Variants in USP25 observed in about 807,000 individuals in gnomAD.
USP25 encodes the protein ubiquitin carboxyl-terminal hydrolase 25.
A neutral mutation model predicts 158.5 loss-of-function variants in USP25; 85 were observed. That is an observed-to-expected ratio of 0.54 (90% CI 0.45 to 0.64). The LOEUF is 0.64. Among genes scored for constraint, USP25 ranks in the 30% least tolerant of loss-of-function variants. The pLI, the probability that USP25 is intolerant of heterozygous loss-of-function variation, is 0.00. For missense variants in USP25, 1,242 were observed against 1,327.3 expected (o/e 0.94, Z 1.00); for synonymous variants, 464 against 460.4 (o/e 1.01, Z -0.10).
chr21:15,738,088 T>C (rs1485569723), intron 1 of USP25, among the ~76,000 whole-genome samples: 1 of 152,218 alleles, frequency 6.6e-6, no homozygotes, highest in Non-Finnish European at 1.5e-5. Context: ...GAAAAGTTAA[T>C]GCTCTCTTCT....
In USP25 at chr21:15,842,254, T is replaced by A. The variant is rs2038370833; in HGVS notation, c.2195-144T>A. 5.2e-6 allele frequency: 4 copies of A among 773,612 alleles called. No individual in the cohort carries two copies. In the Admixed American group the frequency reaches 1.2e-4, roughly 24 times the overall value. 47.9% of individuals were successfully genotyped at this position (773,612 alleles called of 1,614,324 possible). A position where few individuals can be genotyped will look rare whatever the true frequency, so the allele number is the denominator to read the frequency against. On this transcript the variant is annotated intron_variant, in intron 17 of 25. Transcript: ENST00000400183. ...TAATAAATTCTGGGAAGAAGTGCTA[T>A]ACGTGGAAAGATATATTTTACTTTG...
chr21:15,767,548 G>A (rs143581104), intron 3 of USP25, among the ~76,000 whole-genome samples: 1 of 152,024 alleles, frequency 6.6e-6, no homozygotes, highest in Non-Finnish European at 1.5e-5. Flanking sequence ...ACCAATGAAA[G>A]GGAATGAAGT....
intron 17 of USP25, among the ~76,000 whole-genome samples, chr21:15,840,183 A>C (rs576829227): frequency 6.6e-6 from 1 of 152,176 alleles, no homozygotes; most frequent in Admixed American, 6.5e-5. Context: ...ATCCTCTACA[A>C]ATCCTTCAAG....
Position 15,802,694 on chromosome 21 carries a change from T to C in USP25, c.643-2427T>C, listed in dbSNP as rs193249455. ...ATAAGAGACATCTTACCAGACATCT[T>C]ATTAGAAAAGAAGAATGGTTTTCAA... On this transcript the variant is annotated intron_variant, in intron 6 of 25. Coordinates refer to ENST00000400183, the MANE Select transcript of USP25 (RefSeq NM_001283041.3). Among the ~76,000 whole-genome samples, 163 of 151,848 alleles carry C rather than the reference T, an allele frequency of 1.1e-3. 5 individuals carry two copies. Among genetic ancestry groups the C allele is most frequent in the Admixed American group, 0.011 (162 of 15,208 alleles).
intron 20 of USP25, among the ~76,000 whole-genome samples, chr21:15,855,732 G>A (rs1358271362): frequency 6.6e-6 from 1 of 152,182 alleles, no homozygotes; most frequent in East Asian, 1.9e-4. Context: ...GGTTATCACA[G>A]TGTGTGTTTA....
intron 12 of USP25, among the ~76,000 whole-genome samples, chr21:15,825,913 G>A (rs1275604988): frequency 2.0e-5 from 3 of 152,070 alleles, no homozygotes; most frequent in South Asian, 2.1e-4. Context: ...AACAGTCTCA[G>A]GAGATGTCAG....
intron 9 of USP25, among the ~76,000 whole-genome samples, chr21:15,814,229 ATGATTC>A (rs1568839782): frequency 1.3e-5 from 2 of 150,890 alleles, no homozygotes; most frequent in African/African-American, 4.9e-5. Flanking sequence ...GCCTCCTGCC[ATGATTC>A]TGAGGCCTCC....
chr21:15,829,123 T>C (rs1369885273), intron 14 of USP25, among the ~76,000 whole-genome samples: 1 of 152,230 alleles, frequency 6.6e-6, no homozygotes, highest in East Asian at 1.9e-4. Context: ...TAAATAGTGC[T>C]GGTCTTCGAT....
intron 3 of USP25, among the ~76,000 whole-genome samples, chr21:15,767,617 A>T (rs1377238186): frequency 6.6e-6 from 1 of 152,064 alleles, no homozygotes; most frequent in African/African-American, 2.4e-5. Context: ...AAAAATGAGT[A>T]CTTAATAATA....
intron 1 of USP25, among the ~76,000 whole-genome samples, chr21:15,759,522 C>T (rs2033600628): frequency 6.6e-6 from 1 of 152,130 alleles, no homozygotes; most frequent in Non-Finnish European, 1.5e-5. Context: ...GGTCTGGTCA[C>T]AGGGTGGCTT....
chr21:15,730,722 T>A (rs2030739260), intron 1 of USP25, among the ~76,000 whole-genome samples: 1 of 152,234 alleles, frequency 6.6e-6, no homozygotes, highest in Non-Finnish European at 1.5e-5. Flanking sequence ...CCTACAGTGC[T>A]CTGTGTGGCA....
Position 15,808,901 on chromosome 21 carries a change from GT to G in USP25, c.857+19del. 1 of 1,585,160 alleles carries G rather than the reference GT, an allele frequency of 6.3e-7. No individual in the cohort carries two copies. Among genetic ancestry groups the G allele is most frequent in the Non-Finnish European group, 8.6e-7 (1 of 1,161,360 alleles). ...AAGAGGAGACGTAAGTTACCGTGAA[GT>G]TTAGCAATGGGGTTTTAGGAATTCA... On this transcript the variant is annotated intron_variant, in intron 8 of 25. Coordinates refer to ENST00000400183, the MANE Select transcript of USP25 (RefSeq NM_001283041.3).
intron 22 of USP25, among the ~76,000 whole-genome samples, chr21:15,866,984 A>G (rs1168941799): frequency 6.6e-6 from 1 of 152,042 alleles, no homozygotes; most frequent in Non-Finnish European, 1.5e-5. Context: ...TTCATCAGAT[A>G]TATTTTGGGG....
intron 3 of USP25, among the ~76,000 whole-genome samples, chr21:15,775,865 GT>G (rs200081673): frequency 6.1e-5 from 9 of 148,326 alleles, no homozygotes; most frequent in African/African-American, 1.2e-4. Context: ...TAGTTTTTCT[GT>G]TTTTTTTTAT....
At chr21:15,763,093 C>T in intron 2 of USP25, 125 bp downstream of exon 2, 1 of 824,546 alleles carries the variant, frequency 1.2e-6, no homozygotes, top group Non-Finnish European at 1.8e-6. Flanking sequence ...CAGGAATGGA[C>T]TTTGTAAAGT....
At chr21:15,830,422 G>T in intron 14 of USP25, 109 bp from the exon 15 acceptor site, 3 of 848,552 alleles carry the variant, frequency 3.5e-6, no homozygotes, top group East Asian at 2.9e-5. Flanking sequence ...AAAAGTTTTA[G>T]GAAAATTTTC....
intron 23 of USP25, among the ~76,000 whole-genome samples, chr21:15,874,099 A>T (rs2040005542): frequency 6.6e-6 from 1 of 152,212 alleles, no homozygotes; most frequent in Non-Finnish European, 1.5e-5. Context: ...AATGGAAGAC[A>T]TCAGGAAAAT....
At chr21:15,851,503 T>TAC (rs10595077) in intron 20 of USP25, among the ~76,000 whole-genome samples, 3,781 of 147,678 alleles carry the variant, frequency 0.026, 51 homozygotes, top group African/African-American at 0.033. Flanking sequence ...CTATCCCCCA[T>TAC]ACACACACAC....
chr21:15,857,155 A>G (rs771892909), intron 20 of USP25, among the ~76,000 whole-genome samples: 6 of 152,204 alleles, frequency 3.9e-5, no homozygotes, highest in Non-Finnish European at 5.9e-5. Flanking sequence ...TTATTCACTT[A>G]TATGAGAAGT....
Sources: allele counts gnomAD v4.1 joint callset (sites outside exome capture counted in the v4.1 genomes callset), GRCh38; gene constraint gnomAD v4.1.1; transcripts MANE v1.5; gene names NCBI Gene and HGNC (gene_info 2026-07-23, HGNC 2026-07-21).